UGT3A1: variants seen among roughly 807,000 people sequenced by gnomAD.
The protein encoded by UGT3A1 is UDP glycosyltransferase family 3 member A1.
Under a neutral mutation model 37.6 loss-of-function variants are expected in UGT3A1, and 40 were observed. The ratio of observed to expected loss-of-function variants is 1.06; its 90% CI spans 0.83 to 1.38. The LOEUF is 1.38. UGT3A1 is among the 40% of genes most tolerant of loss of function. The probability of loss-of-function intolerance (pLI) is 0.00; values close to 1 mark genes in which losing one functional copy is unlikely to be tolerated. For synonymous variants in UGT3A1, 256 were observed against 232.3 expected (o/e 1.10, Z -0.93); for missense variants, 642 against 634.2 (o/e 1.01, Z -0.13).
chr5:35,956,228 G>C (rs2149948290), intron 5 of UGT3A1, among the ~76,000 whole-genome samples: 1 of 152,326 alleles, frequency 6.6e-6, no homozygotes, highest in South Asian at 2.1e-4. Flanking sequence ...TGTATGTGCT[G>C]TTTTCTCCAT....
At chr5:35,994,705 G>T (rs2111580563), upstream of UGT3A1, among the ~76,000 whole-genome samples, 1 of 152,258 alleles carries the variant, frequency 6.6e-6, no homozygotes, top group African/African-American at 2.4e-5. Context: ...AGTTTAGGTT[G>T]TGATGGCCCT....
At chr5:35,983,696 C>T (rs1378915112) in intron 2 of UGT3A1, among the ~76,000 whole-genome samples, 2 of 152,152 alleles carry the variant, frequency 1.3e-5, no homozygotes, top group Non-Finnish European at 2.9e-5. Flanking sequence ...AAAGATCATT[C>T]ACCATGATCA....
At chr5:35,985,021 C>A (rs1488905379) in intron 2 of UGT3A1, among the ~76,000 whole-genome samples, 2 of 138,674 alleles carry the variant, frequency 1.4e-5, no homozygotes, top group Non-Finnish European at 3.0e-5. Flanking sequence ...AACTTTTAGA[C>A]TGAACCAATC....
In UGT3A1 at chr5:35,954,182, A is replaced by G; in HGVS notation, c.*20T>C. On this transcript the variant is annotated 3_prime_UTR_variant, in exon 7 of 7. Coordinates refer to ENST00000274278, the MANE Select transcript of UGT3A1 (RefSeq NM_152404.4). ...AAAGGACCAGGGATGCCCTCCCCTCACCCAAGGCTACACCTAGCCTCATGT... is the reference window on the plus strand; with the variant it reads ...AAAGGACCAGGGATGCCCTCCCCTCGCCCAAGGCTACACCTAGCCTCATGT... 1.2e-6 allele frequency: 2 copies of G among 1,609,480 alleles called. No individual in the cohort carries two copies. The highest frequency in any genetic ancestry group is 2.2e-5 in the East Asian group (1 of 44,810).
At position 35,954,159 on chromosome 5, in the gene UGT3A1, A is replaced by T; in HGVS notation, c.*43T>A. Reference sequence around the variant, plus strand: ...GTGCTGGGGTGGGGAGAACCTTCAAAGGACCAGGGATGCCCTCCCCTCACC... The same window carrying T: ...GTGCTGGGGTGGGGAGAACCTTCAATGGACCAGGGATGCCCTCCCCTCACC... On this transcript the variant is annotated 3_prime_UTR_variant, in exon 7 of 7. Transcript: ENST00000274278. The T allele has an allele frequency of 6.3e-7, 1 of 1,589,732 alleles. No individual in the cohort carries two copies. The highest frequency in any genetic ancestry group is 8.6e-7 in the Non-Finnish European group (1 of 1,165,958).
At chr5:35,984,952 T>C (rs1291090393) in intron 2 of UGT3A1, among the ~76,000 whole-genome samples, 3 of 151,922 alleles carry the variant, frequency 2.0e-5, no homozygotes, top group Non-Finnish European at 2.9e-5. Flanking sequence ...TAAGTTCAAA[T>C]GTAAAGTTCT....
Position 35,954,332 on chromosome 5 carries a change from T to A in UGT3A1, c.1442A>T (p.His481Leu). 6.2e-7 allele frequency: 1 copy of A among 1,614,186 alleles called. No homozygotes were observed. The highest frequency in any genetic ancestry group is 8.5e-7 in the Non-Finnish European group (1 of 1,180,028). Reference sequence around the variant, plus strand: ...AAAGACATCAATGAGGTACTGCTCATGCCAAGGCTGCTGGAAGGCATAGGG... The same window carrying A: ...AAAGACATCAATGAGGTACTGCTCAAGCCAAGGCTGCTGGAAGGCATAGGG... The part of the protein sequence containing the change: ...LKPYAFQQPW[H>L]EQYLIDVFVF... Residue 481 changes from histidine (H) to leucine (L), a missense_variant, in exon 7 of 7, where the codon CAT becomes CTT. Coordinates refer to ENST00000274278, the MANE Select transcript of UGT3A1 (RefSeq NM_152404.4).
intron 2 of UGT3A1, among the ~76,000 whole-genome samples, chr5:35,972,328 T>C (rs756117721): frequency 1.3e-5 from 2 of 152,096 alleles, no homozygotes; most frequent in Non-Finnish European, 2.9e-5. Flanking sequence ...TGAGAGGTTT[T>C]AAAAACAAAC....
At chr5:35,990,557 G>A (rs1276531681) in intron 1 of UGT3A1, among the ~76,000 whole-genome samples, 1 of 152,120 alleles carries the variant, frequency 6.6e-6, no homozygotes, top group African/African-American at 2.4e-5. Flanking sequence ...CAAAAGATCC[G>A]AATGACCTGG....
At position 35,951,377 on chromosome 5, in the gene UGT3A1, C is replaced by T. The variant is rs1251156488; in HGVS notation, c.*2825G>A. 6.6e-6 allele frequency: 1 copy of T among 151,974 alleles called. No homozygotes were observed. Among genetic ancestry groups the T allele is most frequent in the Non-Finnish European group, 1.5e-5 (1 of 67,944 alleles). 9.4% of individuals were successfully genotyped at this position (151,974 alleles called of 1,614,324 possible). On this transcript the variant is annotated 3_prime_UTR_variant, in exon 7 of 7. Coordinates refer to ENST00000274278, the MANE Select transcript of UGT3A1 (RefSeq NM_152404.4). ...CATAGATATGTATTTTTTTCATTAT[C>T]CCCCATACACATACTTTCCTTTTTC...
At chr5:35,956,821 T>C (rs1289392472) in intron 5 of UGT3A1, among the ~76,000 whole-genome samples, 1 of 152,220 alleles carries the variant, frequency 6.6e-6, no homozygotes, top group Non-Finnish European at 1.5e-5. Flanking sequence ...AGGGGCAACA[T>C]ACTCCCAGAT....
In UGT3A1 at chr5:35,965,409, T is replaced by C; in HGVS notation, c.820A>G (p.Lys274Glu). ...ACTTGTGGTACTGGTTTAATAGGTT[T>C]TTCCATCAAGCCTCCAATATAAACA... ...NTVYIGGLMEKPIKPVPQDLD... is the reference protein window; with the variant it reads ...NTVYIGGLMEEPIKPVPQDLD... Residue 274 changes from lysine (K) to glutamate (E), a missense_variant, in exon 4 of 7, where the codon AAA becomes GAA. Coordinates refer to ENST00000274278, the MANE Select transcript of UGT3A1 (RefSeq NM_152404.4). The C allele has an allele frequency of 6.2e-7, 1 of 1,614,058 alleles. No individual in the cohort carries two copies. Among genetic ancestry groups the C allele is most frequent in the Non-Finnish European group, 8.5e-7 (1 of 1,179,976 alleles).
intron 2 of UGT3A1, among the ~76,000 whole-genome samples, chr5:35,982,805 A>C (rs1325325660): frequency 6.6e-6 from 1 of 152,158 alleles, no homozygotes; most frequent in Non-Finnish European, 1.5e-5. Flanking sequence ...ACCCAACCTC[A>C]TCTCAAGTTG....
At chr5:35,970,438 C>A (rs2149967769) in intron 2 of UGT3A1, among the ~76,000 whole-genome samples, 1 of 150,636 alleles carries the variant, frequency 6.6e-6, no homozygotes, top group East Asian at 2.0e-4. Flanking sequence ...TTCCCTATCA[C>A]AAGAACGGCA....
At chr5:35,978,818 G>A (rs780719429) in intron 2 of UGT3A1, among the ~76,000 whole-genome samples, 4 of 152,058 alleles carry the variant, frequency 2.6e-5, no homozygotes, top group Non-Finnish European at 5.9e-5. Context: ...CCGAGACAAG[G>A]CAAGTCCCTT....
At chr5:35,981,328 G>A (rs556281290) in intron 2 of UGT3A1, among the ~76,000 whole-genome samples, 10 of 152,298 alleles carry the variant, frequency 6.6e-5, no homozygotes, top group African/African-American at 1.9e-4. Context: ...ACAGTTCCAA[G>A]GGCCACAGAA....
chr5:35,985,409 G>T (rs542546211), intron 2 of UGT3A1, among the ~76,000 whole-genome samples: 1 of 152,190 alleles, frequency 6.6e-6, no homozygotes, highest in Admixed American at 6.5e-5. Context: ...AAGCAATCCT[G>T]AGCAAAAAGA....
At chr5:35,985,991 A>AGCTCAAACAACTTAATAGCAAAT (rs1309433199) in intron 2 of UGT3A1, among the ~76,000 whole-genome samples, 5 of 152,196 alleles carry the variant, frequency 3.3e-5, no homozygotes, top group African/African-American at 9.6e-5. Flanking sequence ...ATATATAAAC[A>AGCTCAAACAACTTAATAGCAAAT]GCTCAAACAA....
intron 2 of UGT3A1, among the ~76,000 whole-genome samples, chr5:35,969,092 CCACA>C (rs1232653675): frequency 6.6e-6 from 1 of 152,188 alleles, no homozygotes; most frequent in African/African-American, 2.4e-5. Flanking sequence ...ATATCACCTC[CCACA>C]CACACACCAT....
Sources: allele counts gnomAD v4.1 joint callset (sites outside exome capture counted in the v4.1 genomes callset), GRCh38; gene constraint gnomAD v4.1.1; transcripts MANE v1.5; gene names NCBI Gene and HGNC (gene_info 2026-07-23, HGNC 2026-07-21).